The following TAOK3 variants were observed in gnomAD, a reference collection of about 807,000 sequenced individuals.
TAOK3 encodes TAO kinase 3.
In TAOK3, 40 loss-of-function variants were observed where a neutral mutation model predicts 120.4. The ratio of observed to expected loss-of-function variants is 0.33; its 90% CI spans 0.26 to 0.43. TAOK3 has a LOEUF of 0.43. Ranked by LOEUF, TAOK3 falls within the 20% of genes least tolerant of loss-of-function variation. The pLI, the probability that TAOK3 is intolerant of heterozygous loss-of-function variation, is 1.00. For missense variants in TAOK3, 821 were observed against 1,112.1 expected (o/e 0.74, Z 3.72); for synonymous variants, 355 against 387.5 (o/e 0.92, Z 0.99).
chr12:118,265,246 G>C (rs1003683454), intron 2 of TAOK3, among the ~76,000 whole-genome samples: 13 of 151,756 alleles, frequency 8.6e-5, no homozygotes, highest in African/African-American at 2.9e-4. Flanking sequence ...AAAACTAGCC[G>C]GGCATGGTGG....
chr12:118,346,435 T>C (rs576408785), intron 1 of TAOK3, among the ~76,000 whole-genome samples: 1 of 152,344 alleles, frequency 6.6e-6, no homozygotes, highest in South Asian at 2.1e-4. Context: ...TGCTAAGCTA[T>C]AGAACATACT....
chr12:118,229,446 T>C (rs1440902165), intron 9 of TAOK3, among the ~76,000 whole-genome samples: 1 of 152,158 alleles, frequency 6.6e-6, no homozygotes, highest in African/African-American at 2.4e-5. Context: ...TTTATAAATT[T>C]TGGACCAATA....
At position 118,231,129 on chromosome 12, in the gene TAOK3, G is replaced by T. The variant is rs576019007; in HGVS notation, c.643+2545C>A. Among the ~76,000 whole-genome samples, 47 of 152,190 alleles carry T rather than the reference G, an allele frequency of 3.1e-4. 1 individual carries two copies. In the South Asian group the frequency reaches 9.3e-3, roughly 30 times the overall value. On this transcript the variant is annotated intron_variant, in intron 9 of 20. Coordinates refer to ENST00000392533, the MANE Select transcript of TAOK3 (RefSeq NM_016281.4). ...TATACGTTACCTTGGGTGTGAAAACGAATATAGGAAGTGTATATTCATGTT... is the reference window on the plus strand; with the variant it reads ...TATACGTTACCTTGGGTGTGAAAACTAATATAGGAAGTGTATATTCATGTT...
chr12:118,362,203 G>A (rs2045618664), intron 1 of TAOK3, among the ~76,000 whole-genome samples: 1 of 150,678 alleles, frequency 6.6e-6, no homozygotes, highest in Non-Finnish European at 1.5e-5. Context: ...TGCTTTCATA[G>A]ACCCTAAAAT....
chr12:118,268,820 C>A (rs1005560505), intron 1 of TAOK3, among the ~76,000 whole-genome samples: 2 of 152,082 alleles, frequency 1.3e-5, no homozygotes, highest in Non-Finnish European at 2.9e-5. Context: ...ACCAGCCTAA[C>A]CAACATGGAG....
intron 1 of TAOK3, among the ~76,000 whole-genome samples, chr12:118,321,050 A>G (rs552395189): frequency 6.6e-6 from 1 of 152,334 alleles, no homozygotes; most frequent in East Asian, 1.9e-4. Context: ...TGTTAATAAT[A>G]TAAACAACAT....
intron 5 of TAOK3, among the ~76,000 whole-genome samples, chr12:118,242,102 A>G (rs80253382): frequency 6.6e-6 from 1 of 151,482 alleles, no homozygotes; most frequent in Admixed American, 6.6e-5. Flanking sequence ...AAAAAAAAAA[A>G]GAGAAAAACG....
chr12:118,212,732 A>G (rs1003141199), intron 11 of TAOK3, among the ~76,000 whole-genome samples, 182 bp downstream of exon 11: 1 of 152,238 alleles, frequency 6.6e-6, no homozygotes, highest in African/African-American at 2.4e-5. Flanking sequence ...CAGGGAATAC[A>G]TAGCACATAA....
intron 17 of TAOK3, among the ~76,000 whole-genome samples, chr12:118,169,772 G>C (rs1468358073): frequency 6.6e-6 from 1 of 150,864 alleles, no homozygotes; most frequent in Non-Finnish European, 1.5e-5. Context: ...CCAGTCTGGA[G>C]TGCAGTGGCG....
intron 1 of TAOK3, among the ~76,000 whole-genome samples, chr12:118,324,466 A>G (rs77496661): frequency 0.059 from 8,977 of 152,174 alleles, 628 homozygotes; most frequent in African/African-American, 0.16. Context: ...GCTATCAAAT[A>G]CTAGATCTTA....
At chr12:118,173,805 T>G (rs940803792) in intron 16 of TAOK3, among the ~76,000 whole-genome samples, 3 of 152,088 alleles carry the variant, frequency 2.0e-5, no homozygotes, top group Non-Finnish European at 2.9e-5. Flanking sequence ...TTTCTTCATT[T>G]GGTTAGCTAC....
intron 1 of TAOK3, among the ~76,000 whole-genome samples, chr12:118,309,464 T>G (rs114302662): frequency 0.013 from 1,985 of 151,992 alleles, 43 homozygotes; most frequent in African/African-American, 0.044. Flanking sequence ...TTGAAACAAC[T>G]GCCCTCCTCC....
At chr12:118,219,242 T>G (rs931200724) in intron 9 of TAOK3, among the ~76,000 whole-genome samples, 4 of 152,088 alleles carry the variant, frequency 2.6e-5, no homozygotes, top group Non-Finnish European at 5.9e-5. Context: ...AAACTTTATC[T>G]GGGTACATCT....
chr12:118,284,974 A>G (rs1262887952), intron 1 of TAOK3, among the ~76,000 whole-genome samples: 1 of 151,624 alleles, frequency 6.6e-6, no homozygotes, highest in African/African-American at 2.4e-5. Context: ...AGATTGTTAT[A>G]TTTTTTAAAG....
chr12:118,227,033 T>C (rs2139736886), intron 9 of TAOK3, among the ~76,000 whole-genome samples: 1 of 151,964 alleles, frequency 6.6e-6, no homozygotes, highest in South Asian at 2.1e-4. Flanking sequence ...AAGGGAAGAA[T>C]CCATGTCAAA....
Position 118,182,599 on chromosome 12 carries a change from G to GTATATATATATATATATATA in TAOK3, c.1330-1012_1330-993dup, listed in dbSNP as rs1212615187. On this transcript the variant is annotated intron_variant, in intron 14 of 20. Transcript: ENST00000392533. Reference sequence around the variant, plus strand: ...TGTATATGTGTGTGTGTGTGTGTGTGTATATATATATATATATATATATAT... The same window carrying GTATATATATATATATATATA: ...TGTATATGTGTGTGTGTGTGTGTGTGTATATATATATATATATATATATATATATATATATATATATATAT... Among the ~76,000 whole-genome samples the GTATATATATATATATATATA allele has an allele frequency of 1.1e-4, 10 of 93,896 alleles. No individual in the cohort carries two copies. The South Asian group carries it at 1.3e-3, about 12-fold the overall frequency. 61.6% of individuals were successfully genotyped at this position (93,896 alleles called of 152,430 possible).
intron 1 of TAOK3, among the ~76,000 whole-genome samples, chr12:118,269,383 C>CTTTTTTTTTTTTTT (rs1174725563): frequency 9.6e-6 from 1 of 103,888 alleles, no homozygotes; most frequent in Non-Finnish European, 1.9e-5. Flanking sequence ...TCTCTCTCTT[C>CTTTTTTTTTTTTTT]TTTTTTTTTT....
chr12:118,222,681 C>T (rs1359125062), intron 9 of TAOK3, among the ~76,000 whole-genome samples: 1 of 151,968 alleles, frequency 6.6e-6, no homozygotes, highest in African/African-American at 2.4e-5. Context: ...GATTGGAAAA[C>T]CAAACAGCAT....
chr12:118,328,911 G>A (rs554697830), intron 1 of TAOK3, among the ~76,000 whole-genome samples: 23 of 152,276 alleles, frequency 1.5e-4, no homozygotes, highest in Middle Eastern at 3.4e-3. Flanking sequence ...CATTCATTCG[G>A]CAAATCTATT....
Sources: allele counts gnomAD v4.1 joint callset (sites outside exome capture counted in the v4.1 genomes callset), GRCh38; gene constraint gnomAD v4.1.1; transcripts MANE v1.5; gene names NCBI Gene and HGNC (gene_info 2026-07-23, HGNC 2026-07-21).